SAMD3: variants seen among roughly 807,000 people sequenced by gnomAD.
The protein encoded by SAMD3 is sterile alpha motif domain containing 3, also known as sterile alpha motif domain-containing protein 3.
Under a neutral mutation model 58.5 loss-of-function variants are expected in SAMD3, and 63 were observed. The observed-to-expected ratio is 1.08, with a 90% CI of 0.88 to 1.33. SAMD3 has a LOEUF of 1.33. Among genes scored for constraint, SAMD3 ranks in the 40% most tolerant of loss-of-function variants. SAMD3 has a pLI of 0.00. For synonymous variants in SAMD3, 220 were observed against 210.3 expected (o/e 1.05, Z -0.40); for missense variants, 604 against 608.4 (o/e 0.99, Z 0.08).
chr6:130,151,934 A>G (rs1582721256), intron 9 of SAMD3, among the ~76,000 whole-genome samples: 1 of 152,210 alleles, frequency 6.6e-6, no homozygotes, highest in East Asian at 1.9e-4. Flanking sequence ...GTCTTGTGCA[A>G]CATCCAGTAG....
At chr6:130,319,957 T>C (rs546406069) in intron 1 of SAMD3, among the ~76,000 whole-genome samples, 1 of 151,668 alleles carries the variant, frequency 6.6e-6, no homozygotes, top group South Asian at 2.1e-4. Flanking sequence ...CAATAAAAAG[T>C]TTCCAAAATG....
intron 2 of SAMD3, among the ~76,000 whole-genome samples, chr6:130,272,476 A>ATCC (rs1774599809): frequency 6.6e-6 from 1 of 152,186 alleles, no homozygotes; most frequent in Admixed American, 6.5e-5. Context: ...CACCTCCCCC[A>ATCC]AAATAGGTCC....
At chr6:130,209,754 A>C in intron 4 of SAMD3, 146 bp from the exon 5 acceptor site, 1 of 535,912 alleles carries the variant, frequency 1.9e-6, no homozygotes, top group Admixed American at 3.5e-5. Flanking sequence ...TGACTAAGAG[A>C]ATGGAAAGAA....
chr6:130,319,799 G>C (rs1383387344), intron 1 of SAMD3, among the ~76,000 whole-genome samples: 1 of 151,978 alleles, frequency 6.6e-6, no homozygotes, highest in Non-Finnish European at 1.5e-5. Context: ...AATATTGTGG[G>C]GTTTTAATGT....
At chr6:130,202,965 C>G (rs993948774) in intron 5 of SAMD3, among the ~76,000 whole-genome samples, 1 of 152,158 alleles carries the variant, frequency 6.6e-6, no homozygotes, top group African/African-American at 2.4e-5. Flanking sequence ...TGAAACTTCC[C>G]TCTTCACCTC....
At chr6:130,324,518 T>C (rs1776691913) in intron 1 of SAMD3, among the ~76,000 whole-genome samples, 4 of 152,244 alleles carry the variant, frequency 2.6e-5, no homozygotes, top group Admixed American at 2.6e-4. Context: ...TAAAGTTTCA[T>C]TCTTAGACAC....
intron 5 of SAMD3, among the ~76,000 whole-genome samples, chr6:130,194,678 G>A (rs192558697): frequency 2.0e-4 from 31 of 152,264 alleles, no homozygotes; most frequent in East Asian, 7.7e-4. Context: ...CTCCTAAGCC[G>A]CGTCCCATCT....
chr6:130,293,836 T>A (rs2114966594), intron 2 of SAMD3, among the ~76,000 whole-genome samples: 1 of 151,894 alleles, frequency 6.6e-6, no homozygotes, highest in East Asian at 1.9e-4. Flanking sequence ...GTCTCGTGAG[T>A]CTCTAAACTT....
chr6:130,161,290 G>A (rs1790259670), intron 8 of SAMD3: 1 of 148,886 alleles, frequency 6.7e-6, no homozygotes, highest in South Asian at 2.1e-4. Context: ...AATTTCTTAA[G>A]TAAGAAAACA....
chr6:130,162,827 G>T (rs1455244311), intron 8 of SAMD3, among the ~76,000 whole-genome samples: 3 of 152,092 alleles, frequency 2.0e-5, no homozygotes, highest in African/African-American at 7.2e-5. Context: ...TTACCCAAGG[G>T]GTGTATTTGT....
At position 130,257,856 on chromosome 6, in the gene SAMD3, A is replaced by G. The variant is rs191715773; in HGVS notation, c.-187-35043T>C. On this transcript the variant is annotated intron_variant, in intron 2 of 13. Transcript: ENST00000368134. The stretch of plus-strand genomic sequence containing the variant: ...CTGCCCCTTCCTGCTGGTACTCTGA[A>G]GGTAAACACTATTCTGTCTTGTATT... 3.3e-5 allele frequency among the ~76,000 whole-genome samples: 5 copies of G among 152,220 alleles called. No homozygotes were observed. The East Asian group carries it at 9.6e-4, about 29-fold the overall frequency.
intron 1 of SAMD3, among the ~76,000 whole-genome samples, chr6:130,219,025 A>G (rs1362585108): frequency 6.6e-6 from 1 of 152,244 alleles, no homozygotes; most frequent in African/African-American, 2.4e-5. Context: ...GCTGAGTCAA[A>G]TAAATGACAG....
chr6:130,345,941 T>C (rs1026757822), intron 1 of SAMD3, among the ~76,000 whole-genome samples: 3 of 152,220 alleles, frequency 2.0e-5, no homozygotes, highest in Non-Finnish European at 2.9e-5. Flanking sequence ...GTTAGTTCCA[T>C]GAGAAGGGTT....
chr6:130,255,207 G>A (rs2114914851), intron 2 of SAMD3, among the ~76,000 whole-genome samples: 1 of 152,276 alleles, frequency 6.6e-6, no homozygotes, highest in Non-Finnish European at 1.5e-5. Flanking sequence ...GAGTTGTCTT[G>A]TGGTCTAAGA....
Position 130,296,934 on chromosome 6 carries a change from G to T in SAMD3, c.-188+16044C>A, listed in dbSNP as rs555483916. On this transcript the variant is annotated intron_variant, in intron 2 of 13. Transcript: ENST00000368134. Reference sequence around the variant, plus strand: ...GGATGAGGAGTTGGTACACACCCCAGCCCCTTCCCCTGACACTTCAGTGCA... The same window carrying T: ...GGATGAGGAGTTGGTACACACCCCATCCCCTTCCCCTGACACTTCAGTGCA... 3.3e-5 allele frequency among the ~76,000 whole-genome samples: 5 copies of T among 152,234 alleles called. No individual in the cohort carries two copies. In the East Asian group the frequency reaches 9.7e-4, roughly 29 times the overall value.
chr6:130,342,322 T>C (rs1777299138), intron 1 of SAMD3, among the ~76,000 whole-genome samples: 1 of 152,230 alleles, frequency 6.6e-6, no homozygotes. Context: ...AATGAGCTGT[T>C]TTTTGCTATC....
At chr6:130,168,560 AG>A (rs749414479) in intron 8 of SAMD3, among the ~76,000 whole-genome samples, 2 of 152,194 alleles carry the variant, frequency 1.3e-5, no homozygotes, top group Non-Finnish European at 2.9e-5. Flanking sequence ...GCAAAACAAA[AG>A]AAAATCTCTT....
intron 2 of SAMD3, among the ~76,000 whole-genome samples, chr6:130,234,982 G>A (rs1796643810): frequency 6.6e-6 from 1 of 152,196 alleles, no homozygotes; most frequent in African/African-American, 2.4e-5. Flanking sequence ...AGGCATGGTG[G>A]TGTGCATGTG....
intron 8 of SAMD3, among the ~76,000 whole-genome samples, chr6:130,162,809 T>C (rs1387278196): frequency 5.9e-5 from 9 of 152,360 alleles, no homozygotes; most frequent in African/African-American, 2.2e-4. Flanking sequence ...ATCTCACTTA[T>C]TCTCTAATTA....
Sources: gnomAD v4.1 joint callset for allele counts (sites outside exome capture counted in the v4.1 genomes callset) on GRCh38, gnomAD v4.1.1 for gene constraint, MANE v1.5 for transcripts, NCBI Gene and HGNC (gene_info 2026-07-23, HGNC 2026-07-21) for gene names.